FSTL4: variants seen among roughly 807,000 people sequenced by gnomAD.
FSTL4 encodes follistatin like 4.
A neutral mutation model predicts 78.2 loss-of-function variants in FSTL4; 28 were observed. The ratio of observed to expected loss-of-function variants is 0.36; its 90% CI spans 0.27 to 0.49. FSTL4 has a LOEUF of 0.49. Among genes scored for constraint, FSTL4 ranks in the 20% least tolerant of loss-of-function variants. FSTL4 has a pLI of 0.98. For missense variants in FSTL4, 922 were observed against 1,084.9 expected (o/e 0.85, Z 2.11); for synonymous variants, 422 against 440.5 (o/e 0.96, Z 0.53).
the FSTL4 span, among the ~76,000 whole-genome samples, chr5:133,789,146 C>T: frequency 6.6e-6 from 1 of 152,150 alleles, no homozygotes; most frequent in Non-Finnish European, 1.5e-5. Flanking sequence ...AACCTGAGCC[C>T]AGTGATTCAA....
chr5:133,575,413 T>C (rs1246276977), intron 2 of FSTL4: 7 of 146,338 alleles, frequency 4.8e-5, no homozygotes. Context: ...AATAGCACAT[T>C]CCACATAGAG....
At position 133,501,281 on chromosome 5, in the gene FSTL4, AT is replaced by A. The variant is rs1317095093; in HGVS notation, c.160+65904del. ...CTTACAATTTTAAGAAAAAAAAAAA[AT>A]AAAAAGCAAAAGCAAACTTTCCTTT... On this transcript the variant is annotated intron_variant, in intron 3 of 15. Transcript: ENST00000265342. 3.7e-4 allele frequency among the ~76,000 whole-genome samples: 55 copies of A among 149,288 alleles called. No homozygotes were observed. In the East Asian group the frequency reaches 6.1e-3, roughly 17 times the overall value.
chr5:133,229,681 G>A (rs780065626), intron 8 of FSTL4, among the ~76,000 whole-genome samples: 4 of 152,204 alleles, frequency 2.6e-5, no homozygotes, highest in Admixed American at 6.5e-5. Context: ...GTTGCAAAGT[G>A]GGGTGCAGGG....
Position 133,341,151 on chromosome 5 carries a change from C to A in FSTL4, c.410-24499G>T, listed in dbSNP as rs189627025. On this transcript the variant is annotated intron_variant, in intron 4 of 15. Coordinates refer to ENST00000265342, the MANE Select transcript of FSTL4 (RefSeq NM_015082.2). ...GACTTGTGCAGACATGACCTCCCTT[C>A]GAAACTAAGAGCTCAGGAGAGAGTT... Among the ~76,000 whole-genome samples the A allele has an allele frequency of 4.0e-5, 6 of 150,880 alleles. No homozygotes were observed. In the East Asian group the frequency reaches 1.2e-3, roughly 29 times the overall value.
At chr5:133,347,857 G>T (rs1315009117) in intron 4 of FSTL4, among the ~76,000 whole-genome samples, 1 of 152,114 alleles carries the variant, frequency 6.6e-6, no homozygotes, top group South Asian at 2.1e-4. Flanking sequence ...AATAGACCTA[G>T]TTTCCACTTT....
chr5:133,560,945 C>T (rs971604139), intron 3 of FSTL4, among the ~76,000 whole-genome samples: 10 of 150,990 alleles, frequency 6.6e-5, no homozygotes, highest in Non-Finnish European at 1.2e-4. Context: ...AAACTTTAGC[C>T]GGGCATGGTG....
At chr5:133,670,429 G>A in the FSTL4 span, among the ~76,000 whole-genome samples, 78,365 of 152,098 alleles carry the variant, frequency 0.52, 21,325 homozygotes, top group African/African-American at 0.7. Flanking sequence ...CCAAGAGCCC[G>A]GGGAGTGGAA....
the FSTL4 span, among the ~76,000 whole-genome samples, chr5:133,792,591 G>T: frequency 3.9e-5 from 6 of 152,192 alleles, no homozygotes; most frequent in African/African-American, 1.4e-4. Context: ...CTGTCTGACT[G>T]TCACTGACTT....
At chr5:133,343,007 C>T (rs1207488981) in intron 4 of FSTL4, among the ~76,000 whole-genome samples, 1 of 152,172 alleles carries the variant, frequency 6.6e-6, no homozygotes, top group African/African-American at 2.4e-5. Context: ...GTCCTAATGA[C>T]TGTGGGAGTT....
At chr5:133,395,509 C>T (rs1263806919) in intron 4 of FSTL4, among the ~76,000 whole-genome samples, 1 of 152,230 alleles carries the variant, frequency 6.6e-6, no homozygotes, top group Non-Finnish European at 1.5e-5. Flanking sequence ...GGGTCCGCGG[C>T]TTCATTCTCG....
chr5:133,359,498 A>T (rs1214218172), intron 4 of FSTL4, among the ~76,000 whole-genome samples: 2 of 152,222 alleles, frequency 1.3e-5, no homozygotes, highest in African/African-American at 4.8e-5. Context: ...TCATATTAGA[A>T]ATCAGATCAG....
At chr5:133,430,838 G>C (rs959351328) in intron 3 of FSTL4, among the ~76,000 whole-genome samples, 1 of 152,154 alleles carries the variant, frequency 6.6e-6, no homozygotes, top group Admixed American at 6.5e-5. Flanking sequence ...ATACAGGGGG[G>C]TCAGCAGAGT....
the FSTL4 span, among the ~76,000 whole-genome samples, chr5:133,650,681 T>C: frequency 6.6e-6 from 1 of 152,222 alleles, no homozygotes; most frequent in Non-Finnish European, 1.5e-5. Flanking sequence ...CTGTCTTGAT[T>C]ACTATGGCTT....
chr5:133,516,533 G>C (rs901793743), intron 3 of FSTL4, among the ~76,000 whole-genome samples: 6 of 152,224 alleles, frequency 3.9e-5, no homozygotes, highest in Admixed American at 1.3e-4. Flanking sequence ...CTGTGTCCCT[G>C]AATAGGAAAA....
chr5:133,583,499 C>T (rs1760483010), intron 2 of FSTL4: 2 of 193,984 alleles, frequency 1.0e-5, no homozygotes, highest in Non-Finnish European at 1.1e-5. Flanking sequence ...CGCAAGGGGC[C>T]AGGGAGTTCC....
chr5:133,549,308 T>G (rs1398928478), intron 3 of FSTL4, among the ~76,000 whole-genome samples: 2 of 152,184 alleles, frequency 1.3e-5, no homozygotes. Flanking sequence ...CATTTTCAGA[T>G]GTATCTTCCA....
chr5:133,210,325 G>T, intron 13 of FSTL4, 27 bp from the exon 14 acceptor site: 1 of 1,292,502 alleles, frequency 7.7e-7, no homozygotes, highest in African/African-American at 1.5e-5. Flanking sequence ...GACATGTTGT[G>T]AAAGCTGACA....
intron 3 of FSTL4, among the ~76,000 whole-genome samples, chr5:133,443,573 G>A (rs776049801): frequency 6.6e-6 from 1 of 152,176 alleles, no homozygotes; most frequent in African/African-American, 2.4e-5. Context: ...TCTCCAATCT[G>A]AGCCTGGGTG....
At chr5:133,666,672 A>G in the FSTL4 span, among the ~76,000 whole-genome samples, 48 of 152,198 alleles carry the variant, frequency 3.2e-4, no homozygotes, top group African/African-American at 1.1e-3. Context: ...CTCGTGCGAT[A>G]TAGTTTCTGA....
Sources: allele counts gnomAD v4.1 joint callset (sites outside exome capture counted in the v4.1 genomes callset), GRCh38; gene constraint gnomAD v4.1.1; transcripts MANE v1.5; gene names NCBI Gene and HGNC (gene_info 2026-07-23, HGNC 2026-07-21).